ENTHD1: variants seen among roughly 807,000 people sequenced by gnomAD.
The protein encoded by ENTHD1 is ENTH domain containing 1.
ENTHD1 carries 23 observed loss-of-function variants against 39.1 expected under a neutral mutation model. That is an observed-to-expected ratio of 0.59 (90% CI 0.42 to 0.83). The LOEUF (loss-of-function observed/expected upper bound fraction) is 0.83, where lower values mean the gene tolerates loss of function less well. Among genes scored for constraint, ENTHD1 ranks in the 40% least tolerant of loss-of-function variants. The pLI is 0.00. For missense variants in ENTHD1, 624 were observed against 705.4 expected (o/e 0.88, Z 1.31); for synonymous variants, 230 against 258.2 (o/e 0.89, Z 1.05).
intron 4 of ENTHD1, among the ~76,000 whole-genome samples, chr22:39,830,428 C>A (rs756996357): frequency 6.6e-6 from 1 of 151,952 alleles, no homozygotes; most frequent in Non-Finnish European, 1.5e-5. Flanking sequence ...TAAAGAACAG[C>A]GAAATTTTAA....
At chr22:39,796,143 T>C (rs2065547314) in intron 5 of ENTHD1, among the ~76,000 whole-genome samples, 1 of 152,114 alleles carries the variant, frequency 6.6e-6, no homozygotes, top group Non-Finnish European at 1.5e-5. Context: ...TTGAGGTATG[T>C]TGTTAGATTG....
chr22:39,792,817 C>CT (rs149467178), intron 5 of ENTHD1, among the ~76,000 whole-genome samples: 4,739 of 152,242 alleles, frequency 0.031, 94 homozygotes, highest in East Asian at 0.07. Context: ...ACCACGTTTT[C>CT]TTTATCTAGT....
At chr22:39,884,049 G>T (rs370264299) in intron 2 of ENTHD1, among the ~76,000 whole-genome samples, 42 of 148,980 alleles carry the variant, frequency 2.8e-4, no homozygotes, top group African/African-American at 1.1e-3. Context: ...ATGGAAAAAA[G>T]ATCTAAATAA....
intron 5 of ENTHD1, among the ~76,000 whole-genome samples, chr22:39,794,906 T>C (rs531175032): frequency 1.3e-5 from 2 of 152,328 alleles, no homozygotes; most frequent in South Asian, 2.1e-4. Flanking sequence ...GGGTTTGTCA[T>C]ATATGGCCTT....
intron 1 of ENTHD1, among the ~76,000 whole-genome samples, chr22:39,889,556 A>G (rs1327979196): frequency 1.3e-5 from 2 of 152,208 alleles, no homozygotes; most frequent in Non-Finnish European, 2.9e-5. Flanking sequence ...GAGAAACTGC[A>G]CACATACAAA....
chr22:39,819,691 C>T (rs1601616620), intron 5 of ENTHD1, among the ~76,000 whole-genome samples: 1 of 152,178 alleles, frequency 6.6e-6, no homozygotes, highest in African/African-American at 2.4e-5. Context: ...TGTCCAAACC[C>T]ACAGAATATA....
At chr22:39,827,014 ATT>A (rs1269713696) in intron 4 of ENTHD1, among the ~76,000 whole-genome samples, 21 of 135,788 alleles carry the variant, frequency 1.5e-4, no homozygotes, top group East Asian at 2.1e-4. Flanking sequence ...TGCCCAACTA[ATT>A]TTTTTTTTTT....
At chr22:39,833,181 A>G (rs772755492) in intron 4 of ENTHD1, among the ~76,000 whole-genome samples, 2 of 152,148 alleles carry the variant, frequency 1.3e-5, no homozygotes, top group Non-Finnish European at 2.9e-5. Flanking sequence ...GTGAGAAATG[A>G]TCAGCTTAGG....
At chr22:39,796,358 A>G (rs533488863) in intron 5 of ENTHD1, among the ~76,000 whole-genome samples, 2 of 151,932 alleles carry the variant, frequency 1.3e-5, no homozygotes, top group African/African-American at 4.8e-5. Flanking sequence ...CTGCAGCCTC[A>G]ACCTCCTGGG....
chr22:39,819,351 C>T (rs934117260), intron 5 of ENTHD1, among the ~76,000 whole-genome samples: 2 of 146,770 alleles, frequency 1.4e-5, no homozygotes, highest in East Asian at 2.0e-4. Flanking sequence ...GGTGACAGAG[C>T]GAGACTCTGT....
At chr22:39,754,321 G>A (rs1487442914) in intron 6 of ENTHD1, among the ~76,000 whole-genome samples, 1 of 152,198 alleles carries the variant, frequency 6.6e-6, no homozygotes, top group East Asian at 1.9e-4. Flanking sequence ...CCTGTGCCCA[G>A]GCTGCTCAGT....
intron 2 of ENTHD1, among the ~76,000 whole-genome samples, chr22:39,872,001 T>C (rs1182842715): frequency 1.3e-5 from 2 of 152,184 alleles, no homozygotes; most frequent in Admixed American, 6.5e-5. Context: ...CAACCATGAG[T>C]GCATTGAAAT....
At chr22:39,862,573 A>C (rs2066151426) in intron 2 of ENTHD1, among the ~76,000 whole-genome samples, 1 of 151,876 alleles carries the variant, frequency 6.6e-6, no homozygotes, top group Non-Finnish European at 1.5e-5. Flanking sequence ...AGAAAGAAAA[A>C]GCAATAATAC....
At chr22:39,774,584 C>A (rs2065352720) in intron 5 of ENTHD1, among the ~76,000 whole-genome samples, 1 of 152,148 alleles carries the variant, frequency 6.6e-6, no homozygotes, top group Admixed American at 6.6e-5. Flanking sequence ...CCCCCTCAGT[C>A]CACTCTACAC....
At chr22:39,855,209 G>A (rs1351679561) in intron 3 of ENTHD1, among the ~76,000 whole-genome samples, 1 of 152,144 alleles carries the variant, frequency 6.6e-6, no homozygotes, top group Non-Finnish European at 1.5e-5. Flanking sequence ...GCTCAGTTCT[G>A]TGACTAAGCT....
chr22:39,852,484 T>C (rs1037044036), intron 3 of ENTHD1, among the ~76,000 whole-genome samples: 17 of 152,234 alleles, frequency 1.1e-4, no homozygotes, highest in Admixed American at 1.1e-3. Context: ...CAGTTATGCA[T>C]ACCCTAACAA....
At chr22:39,862,331 C>T (rs1164141971) in intron 2 of ENTHD1, among the ~76,000 whole-genome samples, 3 of 151,910 alleles carry the variant, frequency 2.0e-5, no homozygotes, top group African/African-American at 7.2e-5. Flanking sequence ...GGGCAGATCA[C>T]GAGGTCAGGA....
rs566870575 is a variant in ENTHD1, at chr22:39,815,503, A to G, written c.832+5490T>C. Reference sequence around the variant, plus strand: ...AAATGATACCCACCCAATAGACTGGATTTTTCTAGGGGAAAAATTGGTGAG... The same window carrying G: ...AAATGATACCCACCCAATAGACTGGGTTTTTCTAGGGGAAAAATTGGTGAG... On this transcript the variant is annotated intron_variant, in intron 5 of 6. Transcript: ENST00000325157. Among the ~76,000 whole-genome samples, 5 of 152,006 alleles carry G rather than the reference A, an allele frequency of 3.3e-5. No individual in the cohort carries two copies. The East Asian group carries it at 7.7e-4, about 23-fold the overall frequency.
At chr22:39,879,025 C>G (rs1762000630) in intron 2 of ENTHD1, among the ~76,000 whole-genome samples, 1 of 151,622 alleles carries the variant, frequency 6.6e-6, no homozygotes, top group Non-Finnish European at 1.5e-5. Context: ...AAATATGAGC[C>G]ACAGACTGGG....
Sources: allele counts gnomAD v4.1 joint callset (sites outside exome capture counted in the v4.1 genomes callset), GRCh38; gene constraint gnomAD v4.1.1; transcripts MANE v1.5; gene names NCBI Gene and HGNC (gene_info 2026-07-23, HGNC 2026-07-21).